Variants in DIAPH2 observed in about 807,000 individuals in gnomAD.
DIAPH2 encodes the protein protein diaphanous homolog 2.
In DIAPH2, 35 loss-of-function variants were observed where a neutral mutation model predicts 92.7. The observed-to-expected ratio is 0.38, with a 90% CI of 0.29 to 0.50. The LOEUF (loss-of-function observed/expected upper bound fraction) is 0.50. DIAPH2 is among the 20% of genes least tolerant of loss of function. DIAPH2 has a pLI of 0.94. For synonymous variants in DIAPH2, 301 were observed against 280.4 expected (o/e 1.07, Z -0.73); for missense variants, 701 against 819.5 (o/e 0.86, Z 1.77).
At chrX:97,549,450 T>G (rs1199637743) in intron 26 of DIAPH2, among the ~76,000 whole-genome samples, 4 of 111,813 alleles carry the variant, frequency 3.6e-5, no homozygotes, top group Admixed American at 1.9e-4. Flanking sequence ...TGCATTTCCT[T>G]TATTAATCTT....
chrX:96,892,537 C>T (rs1263114741), intron 5 of DIAPH2, among the ~76,000 whole-genome samples: 1 of 111,413 alleles, frequency 9.0e-6, no homozygotes, highest in Non-Finnish European at 1.9e-5. Context: ...TAAGTTGATA[C>T]CATATATATT....
In DIAPH2 at chrX:97,305,637, TG is replaced by T. The variant is rs769640153; in HGVS notation, c.2845-42477del. Among the ~76,000 whole-genome samples, 749 of 108,353 alleles carry T rather than the reference TG, an allele frequency of 6.9e-3. 8 individuals carry two copies. Among genetic ancestry groups the T allele is most frequent in the African/African-American group, 0.024 (719 of 29,658 alleles). The allele number at this position is 108,353 out of a possible 115,157, so 94.1% of individuals were successfully genotyped here. A position where few individuals can be genotyped will look rare whatever the true frequency, so the allele number is the denominator to read the frequency against. On this transcript the variant is annotated intron_variant, in intron 23 of 26. Transcript: ENST00000324765. ...GAGTTCGAGACCAACCTGGACAACA[TG>T]GTGAAACCTCATCTCTACTTAAAAA...
chrX:96,913,982 T>A (rs914963235), intron 7 of DIAPH2, among the ~76,000 whole-genome samples: 10 of 110,613 alleles, frequency 9.0e-5, no homozygotes, highest in African/African-American at 3.3e-4. Flanking sequence ...ATTTTAATAA[T>A]CTCAAAATAG....
At position 97,598,334 on chromosome X, in the gene DIAPH2, G is replaced by A. The variant is rs775333417; in HGVS notation, c.3242-919G>A. On this transcript the variant is annotated intron_variant, in intron 26 of 26. Coordinates refer to ENST00000324765, the MANE Select transcript of DIAPH2 (RefSeq NM_006729.5). ...ATAGAATGAAATGGGCTTACCTCCC[G>A]GAGATGTTGTGTGAATTAGCAAATT... Among the ~76,000 whole-genome samples, 15 of 112,038 alleles carry A rather than the reference G, an allele frequency of 1.3e-4. 1 individual carries two copies. Among genetic ancestry groups the A allele is most frequent in the African/African-American group, 2.9e-4 (9 of 30,827 alleles).
At chrX:96,763,657 T>A (rs997287103) in intron 4 of DIAPH2, among the ~76,000 whole-genome samples, 2 of 111,880 alleles carry the variant, frequency 1.8e-5, no homozygotes, top group Non-Finnish European at 3.8e-5. Flanking sequence ...AATGGATAAA[T>A]TGAAATGATT....
In DIAPH2 at chrX:97,458,501, C is replaced by G. The variant is rs2070429852; in HGVS notation, c.3241+28756C>G. ...GTTATTTACCTGTTTCTTTGCCTGT[C>G]CCCCTACTCCATATATTTTCTGTAA... On this transcript the variant is annotated intron_variant, in intron 26 of 26. Transcript: ENST00000324765. 1.0e-4 allele frequency among the ~76,000 whole-genome samples: 11 copies of G among 110,052 alleles called. No individual in the cohort carries two copies. The Admixed American group carries it at 1.1e-3, about 11-fold the overall frequency.
At chrX:97,337,924 G>A (rs987571850) in intron 23 of DIAPH2, among the ~76,000 whole-genome samples, 2 of 105,530 alleles carry the variant, frequency 1.9e-5, no homozygotes, top group East Asian at 3.0e-4. Flanking sequence ...TCAGGCTGGA[G>A]TGCAGTGGTG....
intron 19 of DIAPH2, among the ~76,000 whole-genome samples, chrX:97,087,303 A>G (rs754752689): frequency 8.9e-6 from 1 of 111,924 alleles, no homozygotes; most frequent in East Asian, 2.8e-4. Context: ...TGTGAGAAAA[A>G]TAAGAGTACA....
At chrX:97,518,554 GTATATA>G (rs960320052) in intron 26 of DIAPH2, among the ~76,000 whole-genome samples, 13 of 109,349 alleles carry the variant, frequency 1.2e-4, no homozygotes, top group Admixed American at 5.9e-4. Context: ...GTTTGTGTGT[GTATATA>G]TATATGTGTG....
At chrX:97,009,344 G>A (rs1362904960) in intron 17 of DIAPH2, among the ~76,000 whole-genome samples, 1 of 111,848 alleles carries the variant, frequency 8.9e-6, no homozygotes, top group Admixed American at 9.4e-5. Context: ...CTGGCACAGG[G>A]CAGGTCCAGA....
chrX:97,497,274 A>G (rs931568733), intron 26 of DIAPH2, among the ~76,000 whole-genome samples: 3 of 110,988 alleles, frequency 2.7e-5, no homozygotes, highest in East Asian at 2.8e-4. Context: ...CTATATGTCA[A>G]TGACCCTTCA....
At chrX:97,147,754 C>G (rs899262159) in intron 22 of DIAPH2, among the ~76,000 whole-genome samples, 7 of 111,501 alleles carry the variant, frequency 6.3e-5, no homozygotes, top group Admixed American at 2.9e-4. Context: ...ACAGTGCTAA[C>G]TTTTTTATGA....
chrX:97,589,759 T>TGCTA lies in DIAPH2; in HGVS notation c.3242-9492_3242-9489dup, dbSNP rs777948525. ...GAGACATCTTATATGAGAAGCAAGT[T>TGCTA]GCTAGGTTAGTAGCCATTTTTATTC... On this transcript the variant is annotated intron_variant, in intron 26 of 26. Coordinates refer to ENST00000324765, the MANE Select transcript of DIAPH2 (RefSeq NM_006729.5). Among the ~76,000 whole-genome samples, 235 of 112,500 alleles carry TGCTA rather than the reference T, an allele frequency of 2.1e-3. 1 individual carries two copies. Among genetic ancestry groups the TGCTA allele is most frequent in the African/African-American group, 7.1e-3 (219 of 30,989 alleles).
At chrX:97,512,096 C>T (rs2070899218) in intron 26 of DIAPH2, among the ~76,000 whole-genome samples, 1 of 112,758 alleles carries the variant, frequency 8.9e-6, no homozygotes, top group Admixed American at 9.2e-5. Context: ...ACCAGTTCCT[C>T]CTTGTACCTC....
chrX:96,910,114 G>A (rs1342024437), intron 5 of DIAPH2, among the ~76,000 whole-genome samples: 1 of 110,772 alleles, frequency 9.0e-6, no homozygotes, highest in Admixed American at 9.7e-5. Flanking sequence ...GTGCTGTAGT[G>A]ATATCTGCTG....
chrX:96,916,402 A>G (rs1006009884), intron 7 of DIAPH2, 36 bp from the exon 8 acceptor site: 1 of 1,100,375 alleles, frequency 9.1e-7, no homozygotes, highest in East Asian at 3.2e-5. Context: ...TATTCCATAG[A>G]CATTCTGAAT....
rs12007825 is a variant in DIAPH2, at chrX:97,353,809, C to G, written c.3009+5529C>G. ...ATGCCATTATTCAGGCTTGCTGCTT[C>G]TACTTCCCAGATTGACTGATTGATT... is the stretch of plus-strand genomic sequence containing the variant. On this transcript the variant is annotated intron_variant, in intron 24 of 26. Coordinates refer to ENST00000324765, the MANE Select transcript of DIAPH2 (RefSeq NM_006729.5). Among the ~76,000 whole-genome samples the G allele has an allele frequency of 5.7e-3, 628 of 111,103 alleles. 2 individuals carry two copies. Among genetic ancestry groups the G allele is most frequent in the Non-Finnish European group, 8.9e-3 (472 of 53,038 alleles).
Position 97,457,530 on chromosome X carries a change from G to C in DIAPH2, c.3241+27785G>C, listed in dbSNP as rs184150538. Among the ~76,000 whole-genome samples, 3 of 112,091 alleles carry C rather than the reference G, an allele frequency of 2.7e-5. 1 individual carries two copies. The highest frequency in any genetic ancestry group is 5.6e-4 in the East Asian group (2 of 3,561). On this transcript the variant is annotated intron_variant, in intron 26 of 26. Coordinates refer to ENST00000324765, the MANE Select transcript of DIAPH2 (RefSeq NM_006729.5). The stretch of plus-strand genomic sequence containing the variant: ...GTTTCTGTGGGTCAAGAATTTGGGA[G>C]CAGCTTAGCTGAGTGATCGTTTCAG...
chrX:96,778,962 T>C, intron 4 of DIAPH2, among the ~76,000 whole-genome samples: 1 of 111,884 alleles, frequency 8.9e-6, no homozygotes, highest in South Asian at 3.7e-4. Context: ...CTTCCCTATT[T>C]GTCTTTGTAA....
Sources: gnomAD v4.1 joint callset for allele counts (sites outside exome capture counted in the v4.1 genomes callset) on GRCh38, gnomAD v4.1.1 for gene constraint, MANE v1.5 for transcripts, NCBI Gene and HGNC (gene_info 2026-07-23, HGNC 2026-07-21) for gene names.